The following PLAA variants were observed in gnomAD, a reference collection of about 807,000 sequenced individuals.
The protein encoded by PLAA is phospholipase A-2-activating protein.
In PLAA, 48 loss-of-function variants were observed where a neutral mutation model predicts 84.1. The observed-to-expected ratio is 0.57, with a 90% CI of 0.45 to 0.73. The LOEUF (loss-of-function observed/expected upper bound fraction) is 0.73. PLAA is among the 30% of genes least tolerant of loss of function. PLAA has a pLI of 0.00. For synonymous variants in PLAA, 392 were observed against 336.6 expected, an observed-to-expected ratio of 1.16 and a Z score of -1.80; for missense variants, 903 against 954.7, an observed-to-expected ratio of 0.95 and a Z score of 0.71.
chr9:26,907,205 G>A (rs1824263847), intron 13 of PLAA, among the ~76,000 whole-genome samples: 2 of 151,864 alleles, frequency 1.3e-5, no homozygotes, highest in African/African-American at 2.4e-5. Flanking sequence ...GAGTATCTTG[G>A]ATGCCTGGCC....
rs1824679496 is a variant in PLAA, at chr9:26,919,401, CAT to C, written c.1324_1325del (p.Met442ValfsTer7). Reference protein sequence around the residue: ...NFLQKNDLNPMFLDQVAKFII... With the variant: ...NFLQKNDLNPXFLDQVAKFII... ...TAAATTTAGCTACTTGATCCAGAAA[CAT>C]AGGATTCAAATCATTCTTCTGTAAG... On this transcript the variant is annotated frameshift_variant, in exon 9 of 14. Coordinates refer to ENST00000397292, the MANE Select transcript of PLAA (RefSeq NM_001031689.3). LOFTEE classifies it high-confidence loss of function. 6.2e-7 allele frequency: 1 copy of C among 1,612,738 alleles called. No homozygotes were observed. The highest frequency in any genetic ancestry group is 1.7e-5 in the Admixed American group (1 of 59,996).
At chr9:26,938,523 G>A (rs572514262) in intron 1 of PLAA, among the ~76,000 whole-genome samples, 25 of 145,222 alleles carry the variant, frequency 1.7e-4, no homozygotes, top group Non-Finnish European at 2.7e-4. Flanking sequence ...CTGTATGCCC[G>A]CCTGGGCCAA....
chr9:26,931,139 T>A (rs114411462), intron 2 of PLAA, among the ~76,000 whole-genome samples: 4 of 143,944 alleles, frequency 2.8e-5, no homozygotes, highest in African/African-American at 1.0e-4. Flanking sequence ...TGGCCAGATA[T>A]GGAACAATTT....
intron 6 of PLAA, among the ~76,000 whole-genome samples, chr9:26,924,346 A>G (rs1824874008): frequency 6.6e-6 from 1 of 151,918 alleles, no homozygotes; most frequent in East Asian, 1.9e-4. Flanking sequence ...CTCACCCAGG[A>G]TAGTCTCGAA....
intron 1 of PLAA, among the ~76,000 whole-genome samples, chr9:26,943,522 T>G (rs1825602071): frequency 6.6e-6 from 1 of 152,124 alleles, no homozygotes; most frequent in Non-Finnish European, 1.5e-5. Flanking sequence ...AACAAAGAAT[T>G]TGAAGTTGAA....
chr9:26,939,055 A>C (rs915761870), intron 1 of PLAA, among the ~76,000 whole-genome samples: 6 of 152,208 alleles, frequency 3.9e-5, no homozygotes, highest in Non-Finnish European at 8.8e-5. Context: ...CACACACAAA[A>C]ATAGAATATA....
chr9:26,909,111 TTAC>T (rs1300457788), intron 12 of PLAA, among the ~76,000 whole-genome samples: 1 of 152,170 alleles, frequency 6.6e-6, no homozygotes, highest in Non-Finnish European at 1.5e-5. Flanking sequence ...TGACTTTGAG[TTAC>T]TGTGTTTCTT....
chr9:26,947,165 C>G lies in PLAA; in HGVS notation c.-120G>C. 5 of 1,198,950 alleles carry G rather than the reference C, an allele frequency of 4.2e-6. No individual in the cohort carries two copies. Among genetic ancestry groups the G allele is most frequent in the South Asian group, 1.7e-5 (1 of 58,366 alleles). 74.3% of individuals were successfully genotyped at this position (1,198,950 alleles called of 1,614,324 possible). On this transcript the variant is annotated 5_prime_UTR_variant, in exon 1 of 14. Coordinates refer to ENST00000397292, the MANE Select transcript of PLAA (RefSeq NM_001031689.3). ...CCTGCAGGTAAGGGGCGGCCGGAGA[C>G]CGGAAGAGCCCGAGAGCCGGTACGG... is the stretch of plus-strand genomic sequence containing the variant.
rs1360317951 is a variant in PLAA at position 26,923,218 on chromosome 9, A to G, written c.999T>C (p.Asn333=). Residue 333 remains asparagine, a synonymous_variant, in exon 7 of 14, where the codon AAT becomes AAC. Coordinates refer to ENST00000397292, the MANE Select transcript of PLAA (RefSeq NM_001031689.3). ...DSKTGDLGDI[N]AEQLPGREHL... ...GTTCCCTCCCAGGAAGCTGCTCAGC[A>G]TTGATGTCCCCTAAATCGCCAGTTT... 2.5e-6 allele frequency: 4 copies of G among 1,612,940 alleles called. No homozygotes were observed. Among genetic ancestry groups the G allele is most frequent in the Middle Eastern group, 1.7e-4 (1 of 6,054 alleles).
At chr9:26,920,090 A>T in intron 8 of PLAA, 137 bp downstream of exon 8, 1 of 638,178 alleles carries the variant, frequency 1.6e-6, no homozygotes. Flanking sequence ...AAGACAGGGA[A>T]AAAAAAGATT....
At chr9:26,946,512 GAAA>G (rs75570453) in intron 1 of PLAA, among the ~76,000 whole-genome samples, 5 of 123,110 alleles carry the variant, frequency 4.1e-5, no homozygotes, top group Admixed American at 8.1e-5. Context: ...CATCTTCTTC[GAAA>G]AAAAAAAAAA....
chr9:26,921,211 T>C (rs918002078), intron 7 of PLAA, among the ~76,000 whole-genome samples: 2 of 152,226 alleles, frequency 1.3e-5, no homozygotes, highest in African/African-American at 4.8e-5. Flanking sequence ...TGGCAGTATT[T>C]GCTCCTTTCC....
intron 10 of PLAA, among the ~76,000 whole-genome samples, chr9:26,914,385 A>C (rs564606992): frequency 6.6e-6 from 1 of 152,308 alleles, no homozygotes; most frequent in Non-Finnish European, 1.5e-5. Flanking sequence ...TATTGAAAAT[A>C]GAAAGAAGGA....
At chr9:26,934,888 A>G in intron 2 of PLAA, 125 bp downstream of exon 2, 1 of 700,022 alleles carries the variant, frequency 1.4e-6, no homozygotes, top group East Asian at 2.9e-5. Context: ...AAGCGTTTCC[A>G]TTACCAAACC....
At chr9:26,917,311 C>G (rs1281357475) in intron 9 of PLAA, 146 bp from the exon 10 acceptor site, 3 of 622,092 alleles carry the variant, frequency 4.8e-6, no homozygotes, top group African/African-American at 3.7e-5. Context: ...AAACTATAGT[C>G]AGAAGTCTTA....
intron 9 of PLAA, 132 bp downstream of exon 9, chr9:26,919,178 A>G (rs1240683858): frequency 1.9e-6 from 1 of 531,564 alleles, no homozygotes; most frequent in African/African-American, 1.9e-5. Context: ...TAAACATATG[A>G]ATGTGAAGTA....
chr9:26,929,114 G>A (rs1825084285), intron 2 of PLAA, among the ~76,000 whole-genome samples: 2 of 152,144 alleles, frequency 1.3e-5, no homozygotes, highest in Non-Finnish European at 2.9e-5. Flanking sequence ...TGGGAGGATT[G>A]CTTGAGCCCA....
In PLAA at chr9:26,947,006, G is replaced by A; in HGVS notation, c.40C>T (p.Leu14Phe). 11 of 1,594,218 alleles carry A rather than the reference G, an allele frequency of 6.9e-6. No individual in the cohort carries two copies. Among genetic ancestry groups the A allele is most frequent in the Non-Finnish European group, 9.4e-6 (11 of 1,171,200 alleles). Reference sequence around the variant, plus strand: ...CGTACGTCCAGCTCGTGGCCCCGGAGCGAGCAGCTCAGCCGGTACCTGGTT... The same window carrying A: ...CGTACGTCCAGCTCGTGGCCCCGGAACGAGCAGCTCAGCCGGTACCTGGTT... Reference protein sequence around the residue: ...GATRYRLSCSLRGHELDVRGL... With the variant: ...GATRYRLSCSFRGHELDVRGL... The change falls in exon 1 of 14, where the codon CTC becomes TTC. Residue 14 changes from leucine (L) to phenylalanine (F), a missense_variant. Leu to Phe is a conservative substitution (Grantham distance 22). Transcript: ENST00000397292.
At chr9:26,938,680 T>C (rs572435722) in intron 1 of PLAA, among the ~76,000 whole-genome samples, 2 of 151,900 alleles carry the variant, frequency 1.3e-5, no homozygotes, top group African/African-American at 4.8e-5. Flanking sequence ...TGAAGCAATA[T>C]GAAGAAATAA....
Sources: gnomAD v4.1 joint callset for allele counts (sites outside exome capture counted in the v4.1 genomes callset) on GRCh38, gnomAD v4.1.1 for gene constraint, MANE v1.5 for transcripts, NCBI Gene and HGNC (gene_info 2026-07-23, HGNC 2026-07-21) for gene names.